The following GLDN variants were observed in gnomAD, a reference collection of about 807,000 sequenced individuals.
GLDN encodes collomin.
GLDN carries 47 observed loss-of-function variants against 56.5 expected under a neutral mutation model. That is an observed-to-expected ratio of 0.83 (90% CI 0.66 to 1.06). The LOEUF (loss-of-function observed/expected upper bound fraction) is 1.06, where lower values mean the gene tolerates loss of function less well. GLDN is among the 50% of genes least tolerant of loss of function. GLDN has a pLI of 0.00. For missense variants in GLDN, 782 were observed against 714.3 expected (o/e 1.09, Z -1.08); for synonymous variants, 332 against 278.8 (o/e 1.19, Z -1.90).
intron 8 of GLDN, 52 bp downstream of exon 8, chr15:51,400,550 T>C (rs772293339): frequency 6.3e-7 from 1 of 1,579,706 alleles, no homozygotes; most frequent in Non-Finnish European, 8.6e-7. Flanking sequence ...GTATTTTTCA[T>C]CTGTTGCCTA....
intron 1 of GLDN, among the ~76,000 whole-genome samples, chr15:51,370,635 TA>T (rs61086666): frequency 0.31 from 46,285 of 146,970 alleles, 7,614 homozygotes; most frequent in East Asian, 0.46. Context: ...CACAGAAAAG[TA>T]AAAAAAAAAA....
At chr15:51,377,374 C>G in intron 1 of GLDN, 75 bp from the exon 2 acceptor site, 1 of 1,261,572 alleles carries the variant, frequency 7.9e-7, no homozygotes, top group South Asian at 1.3e-5. Context: ...TGATTGCTTT[C>G]TGCTCGTCTG....
intron 9 of GLDN, 51 bp downstream of exon 9, chr15:51,401,794 G>A (rs374446627): frequency 1.1e-5 from 18 of 1,566,054 alleles, no homozygotes; most frequent in East Asian, 1.1e-4. Flanking sequence ...CACCTGTGCT[G>A]TGGTGCTTTT....
In GLDN at chr15:51,401,621, G is replaced by A. The variant is rs1348011497; in HGVS notation, c.1056G>A (p.Gln352=). The part of the protein sequence containing the change: ...SGIMVKEFKD[Q]PSLLNGSYTF... The stretch of plus-strand genomic sequence containing the variant: ...TCATGGTTAAGGAATTCAAGGATCA[G>A]CCCTCACTTCTGAATGGCAGTTACA... The change falls in exon 9 of 10, where the codon CAG becomes CAA. Residue 352 remains glutamine (Q), a synonymous_variant. Coordinates refer to ENST00000335449, the MANE Select transcript of GLDN (RefSeq NM_181789.4). The A allele has an allele frequency of 1.2e-6, 2 of 1,614,094 alleles. No individual in the cohort carries two copies. Among genetic ancestry groups the A allele is most frequent in the South Asian group, 1.1e-5 (1 of 91,070 alleles).
At chr15:51,409,024 T>G (rs1376736124), downstream of GLDN, among the ~76,000 whole-genome samples, 1 of 148,186 alleles carries the variant, frequency 6.7e-6, no homozygotes, top group Non-Finnish European at 1.5e-5. Flanking sequence ...TCCCTAACCA[T>G]TTCTGCAGCC....
chr15:51,365,662 G>A (rs1426447790), intron 1 of GLDN, among the ~76,000 whole-genome samples: 3 of 152,146 alleles, frequency 2.0e-5, no homozygotes, highest in Non-Finnish European at 2.9e-5. Context: ...CCAAGTCCAC[G>A]ATATTTACAC....
chr15:51,359,993 A>G (rs1039480310), intron 1 of GLDN, among the ~76,000 whole-genome samples: 18 of 151,840 alleles, frequency 1.2e-4, no homozygotes, highest in African/African-American at 3.1e-4. Flanking sequence ...AAAAAAAAAA[A>G]AAGAAGAAAG....
At chr15:51,346,364 C>T (rs2470164) in intron 1 of GLDN, among the ~76,000 whole-genome samples, 11 of 152,064 alleles carry the variant, frequency 7.2e-5, no homozygotes, top group South Asian at 2.1e-4. Flanking sequence ...TGGAAAGTTC[C>T]GAAATAATCT....
At chr15:51,350,322 G>A (rs181557207) in intron 1 of GLDN, among the ~76,000 whole-genome samples, 11 of 152,286 alleles carry the variant, frequency 7.2e-5, no homozygotes, top group Admixed American at 2.6e-4. Context: ...GGAGAGAGAT[G>A]CATACCACAC....
At chr15:51,359,178 C>T (rs1324424670) in intron 1 of GLDN, among the ~76,000 whole-genome samples, 1 of 152,184 alleles carries the variant, frequency 6.6e-6, no homozygotes, top group Non-Finnish European at 1.5e-5. Flanking sequence ...GAGGAGGAGA[C>T]TTTGGCCCAG....
Position 51,407,709 on chromosome 15 carries a change from T to C in GLDN, c.*2955T>C, listed in dbSNP as rs2038414857. 1 of 152,236 alleles carries C rather than the reference T, an allele frequency of 6.6e-6. No homozygotes were observed. The highest frequency in any genetic ancestry group is 2.1e-4 in the South Asian group (1 of 4,830). 9.4% of individuals were successfully genotyped at this position (152,236 alleles called of 1,614,324 possible). ...AGATGAGGAGTTCTGATCTTAGGCA[T>C]CTTAACAGTCACAAGGTGAAAAGTC... is the stretch of plus-strand genomic sequence containing the variant. On this transcript the variant is annotated 3_prime_UTR_variant, in exon 10 of 10. Transcript: ENST00000335449.
At position 51,357,894 on chromosome 15, in the gene GLDN, GCC is replaced by G. The variant is rs576681069; in HGVS notation, c.363+15851_363+15852del. On this transcript the variant is annotated intron_variant, in intron 1 of 9. Coordinates refer to ENST00000335449, the MANE Select transcript of GLDN (RefSeq NM_181789.4). Reference sequence around the variant, plus strand: ...AAATCCAAAGACCCTTGCCCATGGTGCCCCCATGGGCACAGACCTGTCCGTGC... The same window carrying G: ...AAATCCAAAGACCCTTGCCCATGGTGCCCATGGGCACAGACCTGTCCGTGC... Among the ~76,000 whole-genome samples, 3 of 152,164 alleles carry G rather than the reference GCC, an allele frequency of 2.0e-5. No homozygotes were observed. The East Asian group carries it at 5.8e-4, about 30-fold the overall frequency.
rs2038395290 is a variant in GLDN, at chr15:51,406,891, TG to T, written c.*2139del. On this transcript the variant is annotated 3_prime_UTR_variant, in exon 10 of 10. Coordinates refer to ENST00000335449, the MANE Select transcript of GLDN (RefSeq NM_181789.4). ...CAAGATCAATATGTCTAATAAGTGC[TG>T]GTGTCCTTTTAAAGTATTTAAATAT... The T allele has an allele frequency of 6.6e-6, 1 of 152,368 alleles. No homozygotes were observed. Among genetic ancestry groups the T allele is most frequent in the African/African-American group, 2.4e-5 (1 of 41,584 alleles). 9.4% of individuals were successfully genotyped at this position (152,368 alleles called of 1,614,324 possible). A position where few individuals can be genotyped will look rare whatever the true frequency, so the allele number is the denominator to read the frequency against.
At position 51,361,761 on chromosome 15, in the gene GLDN, G is replaced by A. The variant is rs560135565; in HGVS notation, c.364-15688G>A. Among the ~76,000 whole-genome samples, 52 of 152,274 alleles carry A rather than the reference G, an allele frequency of 3.4e-4. 1 individual carries two copies. Among genetic ancestry groups the A allele is most frequent in the South Asian group, 3.1e-3 (15 of 4,812 alleles). ...ATCTATAGTGGTAGAAGGTTGATAAGTGCTATGAAGAACAATAAAGTGGTT... is the reference window on the plus strand; with the variant it reads ...ATCTATAGTGGTAGAAGGTTGATAAATGCTATGAAGAACAATAAAGTGGTT... On this transcript the variant is annotated intron_variant, in intron 1 of 9. Transcript: ENST00000335449.
At chr15:51,379,791 T>A (rs987010929) in intron 2 of GLDN, among the ~76,000 whole-genome samples, 1 of 152,210 alleles carries the variant, frequency 6.6e-6, no homozygotes, top group African/African-American at 2.4e-5. Flanking sequence ...CTACATAATT[T>A]GCAGGGCCCA....
At chr15:51,358,517 G>A (rs1021578580) in intron 1 of GLDN, among the ~76,000 whole-genome samples, 3 of 152,180 alleles carry the variant, frequency 2.0e-5, no homozygotes, top group Non-Finnish European at 2.9e-5. Flanking sequence ...AAAAAGGACA[G>A]GAAACAAGTG....
chr15:51,378,579 G>A (rs187037739), intron 2 of GLDN, among the ~76,000 whole-genome samples: 215 of 152,220 alleles, frequency 1.4e-3, no homozygotes, highest in Middle Eastern at 0.014. Context: ...TGCATGGGAC[G>A]GAGCTATTGA....
Position 51,394,942 on chromosome 15 carries a change from G to T in GLDN, c.649G>T (p.Gly217Cys). The T allele has an allele frequency of 1.2e-6, 2 of 1,610,904 alleles. No individual in the cohort carries two copies. The highest frequency in any genetic ancestry group is 1.1e-5 in the South Asian group (1 of 90,186). ...EGPPGQKGEK[G>C]DKGDVSNDVL... ...CCCACCAGGGCAGAAGGGAGAAAAG[G>T]GTGACAAAGGAGATGTGTCCAACGA... is the stretch of plus-strand genomic sequence containing the variant. Residue 217 changes from glycine to cysteine, a missense_variant, in exon 5 of 10, where the codon GGT becomes TGT. Transcript: ENST00000335449.
In GLDN at chr15:51,403,955, G is replaced by A. The variant is rs73397548; in HGVS notation, c.1179-322G>A. Among the ~76,000 whole-genome samples the A allele has an allele frequency of 6.2e-3, 946 of 152,270 alleles. 18 individuals are homozygous for A. The highest frequency in any genetic ancestry group is 0.022 in the African/African-American group (906 of 41,542). ...TTTCAGGAGGTCAACAAACATCTGG[G>A]CATTAGTGAAGTGGGGGTCACATGG... On this transcript the variant is annotated intron_variant, in intron 9 of 9. Coordinates refer to ENST00000335449, the MANE Select transcript of GLDN (RefSeq NM_181789.4).
Sources: gnomAD v4.1 joint callset for allele counts (sites outside exome capture counted in the v4.1 genomes callset) on GRCh38, gnomAD v4.1.1 for gene constraint, MANE v1.5 for transcripts, NCBI Gene and HGNC (gene_info 2026-07-23, HGNC 2026-07-21) for gene names.